The following P4HA1 variants were observed in gnomAD, a reference collection of about 807,000 sequenced individuals.
P4HA1 encodes the protein prolyl 4-hydroxylase subunit alpha-1.
A neutral mutation model predicts 72.8 loss-of-function variants in P4HA1; 24 were observed. That is an observed-to-expected ratio of 0.33 (90% CI 0.24 to 0.46). The LOEUF is 0.46. Among genes scored for constraint, P4HA1 ranks in the 20% least tolerant of loss-of-function variants. P4HA1 has a pLI of 1.00. For synonymous variants in P4HA1, 201 were observed against 218.8 expected, an observed-to-expected ratio of 0.92 and a Z score of 0.72; for missense variants, 446 against 640.6, an observed-to-expected ratio of 0.70 and a Z score of 3.28.
intron 4 of P4HA1, among the ~76,000 whole-genome samples, chr10:73,069,615 G>A (rs951259873): frequency 2.0e-5 from 3 of 151,986 alleles, no homozygotes; most frequent in African/African-American, 7.3e-5. Context: ...CCTAATCTTA[G>A]AGGATTTATA....
intron 11 of P4HA1, among the ~76,000 whole-genome samples, chr10:73,014,698 C>A (rs768355701): frequency 1.1e-4 from 16 of 152,144 alleles, no homozygotes; most frequent in Non-Finnish European, 2.2e-4. Context: ...AAAACAAATA[C>A]CCACAATTTT....
intron 9 of P4HA1, among the ~76,000 whole-genome samples, chr10:73,034,122 A>G (rs1246154519): frequency 6.6e-6 from 1 of 152,096 alleles, no homozygotes; most frequent in Non-Finnish European, 1.5e-5. Flanking sequence ...GCTGAAGCGG[A>G]AGGATTACTT....
At chr10:73,035,774 C>G (rs1208987996) in intron 9 of P4HA1, among the ~76,000 whole-genome samples, 1 of 152,154 alleles carries the variant, frequency 6.6e-6, no homozygotes, top group South Asian at 2.1e-4. Context: ...TGATTTACAC[C>G]TACCCATTTC....
rs377262769 is a variant in P4HA1, at chr10:73,009,811, T to C, written c.1530A>G (p.Lys510=). 27 of 1,555,058 alleles carry C rather than the reference T, an allele frequency of 1.7e-5. No homozygotes were observed. Among genetic ancestry groups the C allele is most frequent in the African/African-American group, 4.1e-5 (3 of 73,704 alleles). The change falls in exon 14 of 15, where the codon AAA becomes AAG. Residue 510 remains lysine (K), a synonymous_variant. Coordinates refer to ENST00000394890, the MANE Select transcript of P4HA1 (RefSeq NM_001017962.3). ...CAGAATATATGAAATATTTACCCCATTTGTTGCCAACTAGCACTGGACAGG... is the reference window on the plus strand; with the variant it reads ...CAGAATATATGAAATATTTACCCCACTTGTTGCCAACTAGCACTGGACAGG... ...HAACPVLVGN[K]WVSNKWLHER... is the part of the protein sequence containing the mutation.
intron 9 of P4HA1, among the ~76,000 whole-genome samples, chr10:73,041,817 C>A (rs1423422760): frequency 6.6e-6 from 1 of 151,648 alleles, no homozygotes; most frequent in East Asian, 1.9e-4. Context: ...TCTTTGGGTT[C>A]TCATTTTTTT....
At chr10:73,008,321 T>C (rs1564616479) in intron 14 of P4HA1, 29 bp from the exon 15 acceptor site, 4 of 1,302,410 alleles carry the variant, frequency 3.1e-6, no homozygotes, top group African/African-American at 1.5e-5. Flanking sequence ...ATATTAATTT[T>C]CCCCCTTAAT....
rs1478758249 is a variant in P4HA1 at position 73,007,836 on chromosome 10, T to TA, written c.*385dup. On this transcript the variant is annotated 3_prime_UTR_variant, in exon 15 of 15. Coordinates refer to ENST00000394890, the MANE Select transcript of P4HA1 (RefSeq NM_001017962.3). ...TAAACAGAACACCTAGGCACATCTG[T>TA]AAGGCATTTGTTTCCTATCACACAG... 11 of 164,730 alleles carry TA rather than the reference T, an allele frequency of 6.7e-5. No homozygotes were observed. 10.2% of individuals were successfully genotyped at this position (164,730 alleles called of 1,614,324 possible).
At chr10:73,070,786 A>G (rs1841540065) in intron 4 of P4HA1, among the ~76,000 whole-genome samples, 1 of 152,218 alleles carries the variant, frequency 6.6e-6, no homozygotes, top group Non-Finnish European at 1.5e-5. Flanking sequence ...TCATAGCATT[A>G]TAGAATGACT....
At chr10:73,052,393 G>A (rs773888220) in intron 6 of P4HA1, among the ~76,000 whole-genome samples, 14 of 152,222 alleles carry the variant, frequency 9.2e-5, no homozygotes, top group Non-Finnish European at 2.1e-4. Flanking sequence ...AAGGAAAAGT[G>A]TGTGCAGGGA....
intron 14 of P4HA1, among the ~76,000 whole-genome samples, chr10:73,009,094 A>G (rs1204875704): frequency 6.6e-6 from 1 of 152,166 alleles, no homozygotes; most frequent in Non-Finnish European, 1.5e-5. Flanking sequence ...ATTCTAGTCC[A>G]GTGGTTCTTA....
At chr10:73,042,670 T>C (rs1348056717) in intron 9 of P4HA1, among the ~76,000 whole-genome samples, 1 of 152,112 alleles carries the variant, frequency 6.6e-6, no homozygotes, top group African/African-American at 2.4e-5. Context: ...CTTGATGTTA[T>C]AGTTTCATTC....
At position 73,068,944 on chromosome 10, in the gene P4HA1, G is replaced by A. The variant is rs1201023065; in HGVS notation, c.365C>T (p.Pro122Leu). ...TGCCCCAACCTGATCTTCATCATTA[G>A]GAAAGTACTGTCTCTGAATGGTTAG... ...SNLTIQRQYFPNDEDQVGAAK... is the reference protein window; with the variant it reads ...SNLTIQRQYFLNDEDQVGAAK... The change falls in exon 5 of 15, where the codon CCT (proline) becomes CTT (leucine). Residue 122 changes from proline (P) to leucine (L), a missense_variant. Coordinates refer to ENST00000394890, the MANE Select transcript of P4HA1 (RefSeq NM_001017962.3). 6.2e-7 allele frequency: 1 copy of A among 1,612,586 alleles called. No individual in the cohort carries two copies. The highest frequency in any genetic ancestry group is 1.7e-5 in the Admixed American group (1 of 60,012).
At chr10:73,060,479 AG>A (rs1435796920) in intron 5 of P4HA1, among the ~76,000 whole-genome samples, 1 of 152,218 alleles carries the variant, frequency 6.6e-6, no homozygotes, top group East Asian at 1.9e-4. Flanking sequence ...AGGCTGAAGC[AG>A]GAAGATCACT....
At chr10:73,088,548 C>G (rs1178511764) in intron 1 of P4HA1, among the ~76,000 whole-genome samples, 1 of 152,220 alleles carries the variant, frequency 6.6e-6, no homozygotes, top group Non-Finnish European at 1.5e-5. Context: ...TCATCCTGGA[C>G]TAAACCTAAG....
At chr10:73,049,878 G>A (rs1190640644) in intron 7 of P4HA1, among the ~76,000 whole-genome samples, 1 of 152,102 alleles carries the variant, frequency 6.6e-6, no homozygotes, top group Non-Finnish European at 1.5e-5. Flanking sequence ...TAAGGCTGCT[G>A]AACAGATGAG....
intron 5 of P4HA1, among the ~76,000 whole-genome samples, chr10:73,060,273 T>C (rs767116995): frequency 6.6e-6 from 1 of 152,082 alleles, no homozygotes; most frequent in Non-Finnish European, 1.5e-5. Context: ...AGAAAAGAGA[T>C]ATAAATATAA....
intron 9 of P4HA1, among the ~76,000 whole-genome samples, chr10:73,034,164 C>A (rs1406816809): frequency 6.6e-6 from 1 of 152,076 alleles, no homozygotes; most frequent in East Asian, 1.9e-4. Flanking sequence ...CAGGGAGCTA[C>A]AATCACACCA....
At chr10:73,031,858 GCAGT>G (rs944072901) in intron 9 of P4HA1, among the ~76,000 whole-genome samples, 1 of 152,110 alleles carries the variant, frequency 6.6e-6, no homozygotes, top group Non-Finnish European at 1.5e-5. Context: ...ATGCTTTTAA[GCAGT>G]CAATCAGTCC....
chr10:73,096,683 G>A (rs1490270637), intron 1 of P4HA1, 83 bp downstream of exon 1: 1 of 153,632 alleles, frequency 6.5e-6, no homozygotes, highest in Non-Finnish European at 1.5e-5. Context: ...ACCACAGCGG[G>A]AAGGAATGGA....
Sources: gnomAD v4.1 joint callset for allele counts (sites outside exome capture counted in the v4.1 genomes callset) on GRCh38, gnomAD v4.1.1 for gene constraint, MANE v1.5 for transcripts, NCBI Gene and HGNC (gene_info 2026-07-23, HGNC 2026-07-21) for gene names.